SCRN1: variants seen among roughly 807,000 people sequenced by gnomAD.
SCRN1 encodes secernin 1.
A neutral mutation model predicts 43.3 loss-of-function variants in SCRN1; 19 were observed. The ratio of observed to expected loss-of-function variants is 0.44; its 90% confidence interval spans 0.31 to 0.64. The LOEUF is 0.64. Ranked by LOEUF, SCRN1 falls within the 30% of genes least tolerant of loss-of-function variation. The pLI is 0.09. For synonymous variants in SCRN1, 183 were observed against 188.9 expected (o/e 0.97, Z 0.26); for missense variants, 447 against 524.1 (o/e 0.85, Z 1.44).
chr7:29,933,022 G>A (rs1007388694), intron 6 of SCRN1, among the ~76,000 whole-genome samples: 5 of 151,946 alleles, frequency 3.3e-5, no homozygotes, highest in African/African-American at 7.3e-5. Context: ...GATTACAGGC[G>A]TGCACCACCA....
At chr7:29,979,647 A>G (rs547121316) in intron 1 of SCRN1, among the ~76,000 whole-genome samples, 10 of 152,306 alleles carry the variant, frequency 6.6e-5, no homozygotes, top group African/African-American at 1.7e-4. Flanking sequence ...TGTGCATTCA[A>G]AATATGATCC....
At chr7:29,984,259 C>T (rs1257270571) in intron 1 of SCRN1, among the ~76,000 whole-genome samples, 4 of 149,544 alleles carry the variant, frequency 2.7e-5, no homozygotes, top group South Asian at 4.2e-4. Context: ...CACTCCTAAG[C>T]CAAAATAAAT....
chr7:29,973,378 C>T (rs1788720841), intron 1 of SCRN1, among the ~76,000 whole-genome samples: 3 of 152,176 alleles, frequency 2.0e-5, no homozygotes, highest in Admixed American at 2.0e-4. Context: ...AATCTCCAAC[C>T]ACCTCCTCTA....
At chr7:29,961,224 C>T (rs544069669) in intron 2 of SCRN1, among the ~76,000 whole-genome samples, 75 of 142,734 alleles carry the variant, frequency 5.3e-4, no homozygotes, top group Middle Eastern at 3.5e-3. Flanking sequence ...CGGCCTTCCG[C>T]GGTGTTTGTG....
intron 4 of SCRN1, among the ~76,000 whole-genome samples, chr7:29,941,489 T>C (rs945990668): frequency 1.1e-4 from 16 of 152,202 alleles, no homozygotes; most frequent in African/African-American, 3.1e-4. Flanking sequence ...CAACAAATTG[T>C]TTTAAAATAA....
At chr7:29,984,970 T>A (rs1249033604) in intron 1 of SCRN1, among the ~76,000 whole-genome samples, 1 of 142,742 alleles carries the variant, frequency 7.0e-6, no homozygotes, top group South Asian at 2.2e-4. Flanking sequence ...ATTAAATATA[T>A]AAGGTGAACA....
At chr7:29,933,306 A>G (rs1318288779) in intron 6 of SCRN1, among the ~76,000 whole-genome samples, 1 of 152,224 alleles carries the variant, frequency 6.6e-6, no homozygotes, top group African/African-American at 2.4e-5. Flanking sequence ...TCTGTAGTGT[A>G]AATACCCCCA....
At chr7:29,981,113 G>T (rs1467651551) in intron 1 of SCRN1, among the ~76,000 whole-genome samples, 1 of 151,630 alleles carries the variant, frequency 6.6e-6, no homozygotes, top group African/African-American at 2.4e-5. Context: ...GATCATTTCA[G>T]TGCTTAAGAA....
At chr7:29,960,005 G>C (rs1311216827) in intron 2 of SCRN1, among the ~76,000 whole-genome samples, 1 of 128,038 alleles carries the variant, frequency 7.8e-6, no homozygotes, top group Non-Finnish European at 1.7e-5. Flanking sequence ...AAGGAAGGAA[G>C]GAAGGGAGGG....
At chr7:29,968,679 T>C (rs535702351) in intron 2 of SCRN1, among the ~76,000 whole-genome samples, 32 of 152,334 alleles carry the variant, frequency 2.1e-4, no homozygotes, top group African/African-American at 6.7e-4. Flanking sequence ...TTCAGAACTA[T>C]GTACATATTT....
At chr7:29,933,471 C>G (rs919003300) in intron 6 of SCRN1, among the ~76,000 whole-genome samples, 3 of 152,196 alleles carry the variant, frequency 2.0e-5, no homozygotes, top group Non-Finnish European at 2.9e-5. Flanking sequence ...CCTCCCCTCT[C>G]CAATTCTTCA....
At position 29,944,004 on chromosome 7, in the gene SCRN1, T is replaced by G. The variant is rs200819331; in HGVS notation, c.517A>C (p.Lys173Gln). Residue 173 changes from lysine (K) to glutamine (Q), a missense_variant, in exon 4 of 8, where the codon AAG becomes CAG. Coordinates refer to ENST00000242059, the MANE Select transcript of SCRN1 (RefSeq NM_014766.5). ...GTGACTTTCTCGGCAGCCCAGTACTTCCCTATGGTCTCGAGCACCCAGGCT... is the reference window on the plus strand; with the variant it reads ...GTGACTTTCTCGGCAGCCCAGTACTGCCCTATGGTCTCGAGCACCCAGGCT... Reference protein sequence around the residue: ...DEAWVLETIGKYWAAEKVTEG... With the variant: ...DEAWVLETIGQYWAAEKVTEG... The G allele has an allele frequency of 6.2e-7, 1 of 1,614,198 alleles. No homozygotes were observed. Among genetic ancestry groups the G allele is most frequent in the East Asian group, 2.2e-5 (1 of 44,878 alleles).
At position 29,937,564 on chromosome 7, in the gene SCRN1, C is replaced by T. The variant is rs538474564; in HGVS notation, c.740-843G>A. Reference sequence around the variant, plus strand: ...ACAAGAAAGTACATACAATCTACTACGCACAGTCCACCAAACTCGCTCCCA... The same window carrying T: ...ACAAGAAAGTACATACAATCTACTATGCACAGTCCACCAAACTCGCTCCCA... On this transcript the variant is annotated intron_variant, in intron 5 of 7. Transcript: ENST00000242059. 4.5e-4 allele frequency among the ~76,000 whole-genome samples: 68 copies of T among 152,282 alleles called. 2 individuals are homozygous for T. The South Asian group carries it at 0.011, about 24-fold the overall frequency.
intron 5 of SCRN1, among the ~76,000 whole-genome samples, chr7:29,939,104 G>C (rs1039343389): frequency 1.3e-5 from 2 of 151,914 alleles, no homozygotes; most frequent in Non-Finnish European, 2.9e-5. Context: ...AAAAGCTCCT[G>C]TTTAAAAGTG....
At chr7:29,963,071 C>A (rs971609520) in intron 2 of SCRN1, among the ~76,000 whole-genome samples, 27 of 151,890 alleles carry the variant, frequency 1.8e-4, no homozygotes, top group Admixed American at 5.9e-4. Flanking sequence ...TCCTTCTTCA[C>A]AATGTTCTCC....
intron 1 of SCRN1, among the ~76,000 whole-genome samples, chr7:29,981,736 C>T (rs1788997550): frequency 6.6e-6 from 1 of 152,150 alleles, no homozygotes; most frequent in Non-Finnish European, 1.5e-5. Flanking sequence ...GGGAGGACAG[C>T]TAGAAATGAC....
Position 29,965,962 on chromosome 7 carries a change from C to A in SCRN1, c.159+2947G>T, listed in dbSNP as rs1788471353. Among the ~76,000 whole-genome samples, 1 of 151,962 alleles carries A rather than the reference C, an allele frequency of 6.6e-6. No homozygotes were observed. Among genetic ancestry groups the A allele is most frequent in the Non-Finnish European group, 1.5e-5 (1 of 68,014 alleles). ...TTTTGAAGTTAGTATGGCTACTTAA[C>A]AAATTACCCCAAAATTTAGTGGTGT... On this transcript the variant is annotated intron_variant, in intron 2 of 7. Transcript: ENST00000242059. This position sits in a 1 kb window ranked among gnomAD's most constrained non-coding sequence, Gnocchi z 4.2.
At chr7:29,945,777 G>T (rs1268593578) in intron 3 of SCRN1, among the ~76,000 whole-genome samples, 1 of 152,118 alleles carries the variant, frequency 6.6e-6, no homozygotes, top group Non-Finnish European at 1.5e-5. Context: ...CTCCCTCTCT[G>T]GCTGTTATGA....
intron 4 of SCRN1, among the ~76,000 whole-genome samples, chr7:29,941,725 T>A (rs1787563889): frequency 6.6e-6 from 1 of 152,240 alleles, no homozygotes; most frequent in African/African-American, 2.4e-5. Flanking sequence ...CCAGAAACTC[T>A]CCTACCAGCT....
Sources: allele counts gnomAD v4.1 joint callset (sites outside exome capture counted in the v4.1 genomes callset), GRCh38; gene constraint gnomAD v4.1.1; non-coding constraint Gnocchi (gnomAD v3.1); transcripts MANE v1.5; gene names NCBI Gene and HGNC (gene_info 2026-07-23, HGNC 2026-07-21).